The following DNAH14 variants were observed in gnomAD, a reference collection of about 807,000 sequenced individuals.
DNAH14 encodes the protein dynein axonemal heavy chain 14, also known as axonemal beta dynein heavy chain 14.
DNAH14 carries 478 observed loss-of-function variants against 520.9 expected under a neutral mutation model. The observed-to-expected ratio is 0.92, with a 90% CI of 0.85 to 0.99. DNAH14 has a LOEUF of 0.99. DNAH14 is among the 50% of genes least tolerant of loss of function. DNAH14 has a pLI of 0.00. For synonymous variants in DNAH14, 1,581 were observed against 1,757.2 expected (o/e 0.90, Z 2.51); for missense variants, 4,831 against 5,234.5 (o/e 0.92, Z 2.38).
chr1:225,111,064 C>T (rs1019624445), intron 23 of DNAH14, among the ~76,000 whole-genome samples: 1 of 151,922 alleles, frequency 6.6e-6, no homozygotes, highest in African/African-American at 2.4e-5. Flanking sequence ...GAAAATGATC[C>T]ATGGGCTGAG....
intron 17 of DNAH14, among the ~76,000 whole-genome samples, chr1:225,075,677 C>T (rs963045640): frequency 2.0e-5 from 3 of 151,896 alleles, no homozygotes; most frequent in African/African-American, 7.3e-5. Flanking sequence ...ATAGTGGGAC[C>T]CTACCTCTAA....
intron 26 of DNAH14, 62 bp from the exon 27 acceptor site, chr1:225,123,465 C>T (rs999353168): frequency 2.3e-5 from 7 of 303,180 alleles, no homozygotes; most frequent in South Asian, 7.2e-5. Flanking sequence ...CATGCTTGGT[C>T]ATTAAATGGC....
At chr1:225,212,161 T>C (rs188518170) in intron 41 of DNAH14, among the ~76,000 whole-genome samples, 3 of 149,668 alleles carry the variant, frequency 2.0e-5, no homozygotes, top group Admixed American at 6.7e-5. Context: ...TGGTGTCTGG[T>C]TTTCTGTCCT....
At chr1:225,373,172 G>GGAAAAA (rs529045656) in intron 77 of DNAH14, among the ~76,000 whole-genome samples, 32 of 135,758 alleles carry the variant, frequency 2.4e-4, no homozygotes, top group East Asian at 6.5e-4. Context: ...AGCATTTGTG[G>GGAAAAA]AAAAAAAAAA....
chr1:224,939,572 T>A (rs547737168), intron 1 of DNAH14, among the ~76,000 whole-genome samples: 1 of 152,174 alleles, frequency 6.6e-6, no homozygotes, highest in Admixed American at 6.5e-5. Flanking sequence ...TTGTCCCAGC[T>A]ACTCAGGAGG....
At chr1:225,045,644 G>A (rs541245891) in intron 15 of DNAH14, among the ~76,000 whole-genome samples, 9 of 152,172 alleles carry the variant, frequency 5.9e-5, no homozygotes, top group Admixed American at 5.2e-4. Context: ...CTCATGATGA[G>A]TTTGAGGATA....
At chr1:225,253,193 C>T (rs1266903671) in intron 44 of DNAH14, among the ~76,000 whole-genome samples, 8 of 152,120 alleles carry the variant, frequency 5.3e-5, no homozygotes, top group Admixed American at 4.6e-4. Context: ...TAAATATTAG[C>T]GGGCAATCAT....
chr1:225,076,708 C>A (rs2072320783), intron 17 of DNAH14, among the ~76,000 whole-genome samples: 1 of 152,094 alleles, frequency 6.6e-6, no homozygotes, highest in Non-Finnish European at 1.5e-5. Flanking sequence ...GTTTATTCAT[C>A]CTCTTTCTGG....
intron 27 of DNAH14, among the ~76,000 whole-genome samples, chr1:225,131,227 A>G (rs965782131): frequency 6.6e-6 from 1 of 152,182 alleles, no homozygotes; most frequent in Admixed American, 6.5e-5. Context: ...AAAAGTTACT[A>G]AAAACTTGGT....
At chr1:225,357,712 G>GTTTT in intron 73 of DNAH14, 1 of 687,786 alleles carries the variant, frequency 1.5e-6, no homozygotes. Context: ...ATATTTGACA[G>GTTTT]TTTTTGAAAG....
rs1454318325 is a variant in DNAH14, at chr1:224,959,692, C to T, written c.218-461C>T. Among the ~76,000 whole-genome samples the T allele has an allele frequency of 2.6e-5, 4 of 152,080 alleles. No homozygotes were observed. In the South Asian group the frequency reaches 8.3e-4, roughly 31 times the overall value. On this transcript the variant is annotated intron_variant, in intron 3 of 85. Coordinates refer to ENST00000682510, the MANE Select transcript of DNAH14 (RefSeq NM_001367479.1). Reference sequence around the variant, plus strand: ...CTAAATATTTTCTCTGCTCAGTTATCAAATTACAGTTAATAAACAGGGTCC... The same window carrying T: ...CTAAATATTTTCTCTGCTCAGTTATTAAATTACAGTTAATAAACAGGGTCC...
chr1:225,368,252 A>T (rs1426304671), intron 77 of DNAH14, among the ~76,000 whole-genome samples: 1 of 152,200 alleles, frequency 6.6e-6, no homozygotes, highest in Non-Finnish European at 1.5e-5. Flanking sequence ...TAAGTACGTA[A>T]TCTATTGGGC....
At chr1:224,960,438 G>A (rs982804859) in intron 4 of DNAH14, 136 bp downstream of exon 4, 2 of 970,418 alleles carry the variant, frequency 2.1e-6, no homozygotes, top group Non-Finnish European at 2.8e-6. Flanking sequence ...GTTGCTTAAG[G>A]ATTATTACAA....
intron 46 of DNAH14, among the ~76,000 whole-genome samples, chr1:225,260,333 C>G (rs1233487386): frequency 6.9e-6 from 1 of 144,530 alleles, no homozygotes; most frequent in East Asian, 2.0e-4. Context: ...GCCTGGGCAA[C>G]AGAGCAAGAC....
At chr1:225,289,077 A>G (rs2093809100) in intron 54 of DNAH14, among the ~76,000 whole-genome samples, 1 of 152,210 alleles carries the variant, frequency 6.6e-6, no homozygotes, top group Non-Finnish European at 1.5e-5. Context: ...TCAATGGATA[A>G]ACAAAATGTG....
At chr1:224,932,119 A>G (rs961279053) in intron 1 of DNAH14, among the ~76,000 whole-genome samples, 4 of 151,992 alleles carry the variant, frequency 2.6e-5, no homozygotes, top group African/African-American at 7.3e-5. Context: ...AACATCTGTT[A>G]TTTTTTGACT....
chr1:225,166,123 T>G (rs2149187736), intron 35 of DNAH14, among the ~76,000 whole-genome samples: 1 of 152,338 alleles, frequency 6.6e-6, no homozygotes, highest in African/African-American at 2.4e-5. Context: ...TGGCAGGGCC[T>G]ACAAACTTTC....
intron 17 of DNAH14, among the ~76,000 whole-genome samples, chr1:225,065,002 A>C (rs138479902): frequency 1.3e-5 from 2 of 152,040 alleles, no homozygotes. Context: ...TCTGTACCAC[A>C]GTTTCCTCAA....
At chr1:224,973,367 A>G (rs937143948) in intron 7 of DNAH14, among the ~76,000 whole-genome samples, 2 of 152,250 alleles carry the variant, frequency 1.3e-5, no homozygotes, top group Non-Finnish European at 2.9e-5. Flanking sequence ...GCAAACAAGT[A>G]TCACATCTCA....
Sources: gnomAD v4.1 joint callset for allele counts (sites outside exome capture counted in the v4.1 genomes callset) on GRCh38, gnomAD v4.1.1 for gene constraint, MANE v1.5 for transcripts, NCBI Gene and HGNC (gene_info 2026-07-23, HGNC 2026-07-21) for gene names.